The following ANKRD36 variants were observed in gnomAD, a reference collection of about 807,000 sequenced individuals.
ANKRD36 encodes the protein ankyrin repeat domain-containing protein 36A.
Under a neutral mutation model 278.1 loss-of-function variants are expected in ANKRD36, and 179 were observed. That is an observed-to-expected ratio of 0.64 (90% confidence interval 0.57 to 0.73). The LOEUF (loss-of-function observed/expected upper bound fraction) is 0.73, where lower values mean the gene tolerates loss of function less well. Ranked by LOEUF, ANKRD36 falls within the 30% of genes least tolerant of loss-of-function variation. ANKRD36 has a pLI of 0.00. For missense variants in ANKRD36, 1,159 were observed against 1,956.7 expected, an observed-to-expected ratio of 0.59 and a Z score of 7.69; for synonymous variants, 320 against 641.1, an observed-to-expected ratio of 0.50 and a Z score of 7.57.
chr2:97,193,008 T>C lies in ANKRD36; in HGVS notation c.2404T>C (p.Leu802=), dbSNP rs761239153. ...TACAAGTGACGAGGAAGGTTCTGTT[T>C]TGAGTATAGCCAGAGAAAACAAGGA... The part of the protein sequence containing the change: ...TATSDEEGSV[L]SIARENKDGE... Residue 802 remains leucine, a synonymous_variant, in exon 38 of 76, where the codon TTG becomes CTG. Coordinates refer to ENST00000420699, the MANE Select transcript of ANKRD36 (RefSeq NM_001354587.1). 2.5e-6 allele frequency: 4 copies of C among 1,577,168 alleles called. No homozygotes were observed. The highest frequency in any genetic ancestry group is 1.4e-5 in the African/African-American group (1 of 73,668).
intron 58 of ANKRD36, among the ~76,000 whole-genome samples, chr2:97,212,333 A>T (rs1372131019): frequency 6.6e-6 from 1 of 151,930 alleles, no homozygotes; most frequent in Non-Finnish European, 1.5e-5. Flanking sequence ...TGGCTGCTCC[A>T]GGAACTACTA....
At chr2:97,155,706 T>TAAATTTC (rs1300744423) in intron 15 of ANKRD36, among the ~76,000 whole-genome samples, 3 of 146,588 alleles carry the variant, frequency 2.0e-5, no homozygotes, top group African/African-American at 7.3e-5. Context: ...TATCTCATTC[T>TAAATTTC]AAATTTCAAA....
chr2:97,137,577 G>A (rs2041848893), intron 6 of ANKRD36, among the ~76,000 whole-genome samples: 2 of 109,590 alleles, frequency 1.8e-5, no homozygotes, highest in South Asian at 4.7e-4. Flanking sequence ...ACAAGCCACT[G>A]TACATATATA....
intron 40 of ANKRD36, 112 bp from the exon 41 acceptor site, chr2:97,196,481 G>C: frequency 6.4e-7 from 1 of 1,552,198 alleles, no homozygotes; most frequent in East Asian, 2.4e-5. Flanking sequence ...AGCCATCAAA[G>C]CCTATGCTAA....
intron 67 of ANKRD36, among the ~76,000 whole-genome samples, chr2:97,230,325 C>T (rs1398123286): frequency 6.6e-6 from 1 of 152,032 alleles, no homozygotes; most frequent in Non-Finnish European, 1.5e-5. Context: ...TTCTTGGAGG[C>T]TTTGTTTGTT....
chr2:97,200,226 C>A, intron 44 of ANKRD36, 108 bp from the exon 45 acceptor site: 1 of 1,586,432 alleles, frequency 6.3e-7, no homozygotes, highest in South Asian at 1.1e-5. Context: ...ATCAAAGCCT[C>A]CACTAATACA....
At chr2:97,229,964 C>T (rs1367394298) in intron 67 of ANKRD36, among the ~76,000 whole-genome samples, 2 of 152,066 alleles carry the variant, frequency 1.3e-5, no homozygotes, top group Non-Finnish European at 2.9e-5. Flanking sequence ...TGAATATTGG[C>T]CCCCACTCTC....
chr2:97,135,740 G>A (rs1001968168), intron 6 of ANKRD36, among the ~76,000 whole-genome samples: 12 of 151,810 alleles, frequency 7.9e-5, no homozygotes, highest in African/African-American at 2.4e-4. Flanking sequence ...ACAAAGGGAC[G>A]ATTCACATCT....
intron 44 of ANKRD36, among the ~76,000 whole-genome samples, chr2:97,200,121 GT>G (rs1226082371): frequency 6.6e-6 from 1 of 151,844 alleles, no homozygotes; most frequent in East Asian, 1.9e-4. Context: ...ATCTTACCAT[GT>G]TTGAAATCGT....
chr2:97,227,439 G>T (rs1027035882), intron 67 of ANKRD36, among the ~76,000 whole-genome samples: 6 of 152,088 alleles, frequency 3.9e-5, no homozygotes, highest in African/African-American at 1.4e-4. Context: ...TCTGTTATTG[G>T]TGTATAAGAA....
chr2:97,260,379 T>TATATATATATATAC (rs1315601255), intron 75 of ANKRD36, among the ~76,000 whole-genome samples: 70 of 121,176 alleles, frequency 5.8e-4, no homozygotes, highest in African/African-American at 2.1e-3. Context: ...TATATATATA[T>TATATATATATATAC]ACACACATAT....
At chr2:97,157,137 C>CTG (rs1312021774) in intron 15 of ANKRD36, among the ~76,000 whole-genome samples, 3 of 150,718 alleles carry the variant, frequency 2.0e-5, no homozygotes, top group Non-Finnish European at 4.4e-5. Context: ...TTTCCTCTCT[C>CTG]TCTCTCTCTC....
intron 67 of ANKRD36, among the ~76,000 whole-genome samples, chr2:97,227,227 T>G (rs1473949154): frequency 6.6e-5 from 10 of 152,128 alleles, no homozygotes; most frequent in Non-Finnish European, 1.5e-4. Context: ...AGTATGGCCA[T>G]TTTAACCATA....
At chr2:97,128,849 T>C (rs1386906864) in intron 6 of ANKRD36, among the ~76,000 whole-genome samples, 1 of 152,082 alleles carries the variant, frequency 6.6e-6, no homozygotes, top group African/African-American at 2.4e-5. Flanking sequence ...CCAAAGCACA[T>C]ACATCCCAAC....
At chr2:97,156,485 C>T (rs1416786292) in intron 15 of ANKRD36, among the ~76,000 whole-genome samples, 4 of 130,620 alleles carry the variant, frequency 3.1e-5, no homozygotes, top group Admixed American at 2.3e-4. Context: ...GTTTTTTGTT[C>T]TTGCGATAGT....
At chr2:97,242,087 C>T (rs79383841) in intron 69 of ANKRD36, among the ~76,000 whole-genome samples, 71 of 144,284 alleles carry the variant, frequency 4.9e-4, no homozygotes, top group Middle Eastern at 3.5e-3. Flanking sequence ...GTCAGGAGTT[C>T]GAGACCAGTC....
intron 48 of ANKRD36, 39 bp from the exon 49 acceptor site, chr2:97,204,029 T>C (rs1401605502): frequency 6.4e-7 from 1 of 1,554,886 alleles, no homozygotes; most frequent in Non-Finnish European, 8.7e-7. Context: ...TTTTGTCATT[T>C]TTACATATGA....
At position 97,194,734 on chromosome 2, in the gene ANKRD36, C is replaced by T. The variant is rs150846613; in HGVS notation, c.2458C>T (p.Arg820Trp). The T allele has an allele frequency of 5.3e-3, 8,561 of 1,604,420 alleles. 394 individuals carry two copies. The East Asian group carries it at 0.12, about 22-fold the overall frequency. ...TCCCTTTTGCTTTTCAGTGTCTTCT[C>T]GGAAAAAACCAGCCTTGAAGGTAAT... ...DGEKSRTVSS[R>W]KKPALKATSD... is the part of the protein sequence containing the mutation. The change falls in exon 39 of 76, where the codon CGG (arginine) becomes TGG (tryptophan). Residue 820 changes from arginine (R) to tryptophan (W), a missense_variant. Arg to Trp is a moderately radical substitution (Grantham distance 101). Coordinates refer to ENST00000420699, the MANE Select transcript of ANKRD36 (RefSeq NM_001354587.1).
chr2:97,196,864 G>C (rs537392182), intron 42 of ANKRD36, 76 bp downstream of exon 42: 2 of 1,533,816 alleles, frequency 1.3e-6, no homozygotes, highest in East Asian at 2.5e-5. Flanking sequence ...TAAATCAGCG[G>C]GGGGCTCATC....
Sources: gnomAD v4.1 joint callset for allele counts (sites outside exome capture counted in the v4.1 genomes callset) on GRCh38, gnomAD v4.1.1 for gene constraint, MANE v1.5 for transcripts, NCBI Gene and HGNC (gene_info 2026-07-23, HGNC 2026-07-21) for gene names.